GASK1A: variants seen among roughly 807,000 people sequenced by gnomAD.
GASK1A encodes the protein golgi associated kinase 1A.
A neutral mutation model predicts 41.2 loss-of-function variants in GASK1A; 40 were observed. The observed-to-expected ratio is 0.97, with a 90% CI of 0.75 to 1.27. The LOEUF (loss-of-function observed/expected upper bound fraction) is 1.27, where lower values mean the gene tolerates loss of function less well. Ranked by LOEUF, GASK1A falls within the 50% of genes most tolerant of loss-of-function variation. The probability of loss-of-function intolerance (pLI) is 0.00; values close to 1 mark genes in which losing one functional copy is unlikely to be tolerated. For synonymous variants in GASK1A, 316 were observed against 307.1 expected (o/e 1.03, Z -0.30); for missense variants, 678 against 745.1 (o/e 0.91, Z 1.05).
At chr3:43,031,742 T>C (rs145925454) in intron 1 of GASK1A, among the ~76,000 whole-genome samples, 1,680 of 152,316 alleles carry the variant, frequency 0.011, 21 homozygotes, top group Non-Finnish European at 0.016. Flanking sequence ...TTGGCTCTCA[T>C]GACATAGTCA....
chr3:42,994,709 T>C (rs976002427), intron 1 of GASK1A, among the ~76,000 whole-genome samples: 2 of 152,132 alleles, frequency 1.3e-5, no homozygotes, highest in Non-Finnish European at 2.9e-5. Context: ...CTGAGACTTG[T>C]CTTGTCTCAG....
Position 42,979,577 on chromosome 3 carries a change from G to A in GASK1A, c.-66G>A. 1 of 1,238,376 alleles carries A rather than the reference G, an allele frequency of 8.1e-7. No homozygotes were observed. Among genetic ancestry groups the A allele is most frequent in the South Asian group, 4.1e-5 (1 of 24,322 alleles). 76.7% of individuals were successfully genotyped at this position (1,238,376 alleles called of 1,614,324 possible). On this transcript the variant is annotated 5_prime_UTR_variant, in exon 1 of 5. Coordinates refer to ENST00000430121, the MANE Select transcript of GASK1A (RefSeq NM_001129908.3). ...GCCACGGCGCCGGGGGCGGCCAAGGGGAGGCGGGATGAGTCTGCGAGCCGG... is the reference window on the plus strand; with the variant it reads ...GCCACGGCGCCGGGGGCGGCCAAGGAGAGGCGGGATGAGTCTGCGAGCCGG...
At chr3:42,997,434 GAGA>G (rs535698238) in intron 1 of GASK1A, among the ~76,000 whole-genome samples, 3,541 of 111,462 alleles carry the variant, frequency 0.032, 69 homozygotes, top group African/African-American at 0.07. Context: ...GAGAGACAGA[GAGA>G]GGGGGGGGGG....
At chr3:43,030,632 G>A (rs889269303) in intron 1 of GASK1A, among the ~76,000 whole-genome samples, 2 of 152,192 alleles carry the variant, frequency 1.3e-5, no homozygotes, top group African/African-American at 2.4e-5. Flanking sequence ...GTCATCTTTG[G>A]CTGGGTGGCA....
chr3:43,038,857 T>G lies in GASK1A; in HGVS notation c.1290+5304T>G, dbSNP rs1384115686. ...CCACGAGGACTAAGTAGGATCTTAC[T>G]GTAAGTTGAAGGGAGTTCGGCCCTG... On this transcript the variant is annotated intron_variant, in intron 2 of 4. Coordinates refer to ENST00000430121, the MANE Select transcript of GASK1A (RefSeq NM_001129908.3). 2.6e-5 allele frequency among the ~76,000 whole-genome samples: 4 copies of G among 152,336 alleles called. No individual in the cohort carries two copies. In the East Asian group the frequency reaches 7.7e-4, roughly 29 times the overall value.
chr3:43,030,680 C>T (rs998818285), intron 1 of GASK1A, among the ~76,000 whole-genome samples: 11 of 152,236 alleles, frequency 7.2e-5, no homozygotes, highest in Non-Finnish European at 1.5e-4. Context: ...CAGGACAAGT[C>T]AGCCTTGCTG....
intron 1 of GASK1A, among the ~76,000 whole-genome samples, chr3:43,008,807 G>C (rs546539138): frequency 1.3e-5 from 2 of 152,154 alleles, no homozygotes; most frequent in African/African-American, 2.4e-5. Context: ...GAGGAGGCAC[G>C]TTGGTATCAG....
chr3:43,011,954 A>C (rs1282136715), intron 1 of GASK1A, among the ~76,000 whole-genome samples: 1 of 151,664 alleles, frequency 6.6e-6, no homozygotes, highest in Non-Finnish European at 1.5e-5. Context: ...GGCAGTGTGA[A>C]GCCAAAGGAA....
intron 1 of GASK1A, among the ~76,000 whole-genome samples, chr3:42,989,211 G>C (rs925297462): frequency 3.3e-5 from 5 of 152,116 alleles, no homozygotes; most frequent in African/African-American, 7.2e-5. Context: ...ACGTCGATAG[G>C]GGGAGAGGGT....
intron 1 of GASK1A, among the ~76,000 whole-genome samples, chr3:43,009,623 TATG>T (rs1321554746): frequency 3.9e-5 from 6 of 152,320 alleles, no homozygotes; most frequent in East Asian, 1.9e-4. Flanking sequence ...CATAAAATGG[TATG>T]ATATTTCCTT....
intron 1 of GASK1A, among the ~76,000 whole-genome samples, chr3:43,026,439 A>G (rs1416528373): frequency 6.6e-6 from 1 of 152,256 alleles, no homozygotes; most frequent in Non-Finnish European, 1.5e-5. Flanking sequence ...ATGTTTCTTA[A>G]CAGATGAGGG....
chr3:43,037,345 A>G (rs1042973954), intron 2 of GASK1A: 25 of 907,454 alleles, frequency 2.8e-5, no homozygotes, highest in Admixed American at 6.8e-5. Context: ...TTGAATAATG[A>G]CTCTAAAATG....
chr3:43,008,673 G>A (rs772786905), intron 1 of GASK1A, among the ~76,000 whole-genome samples: 11 of 152,140 alleles, frequency 7.2e-5, no homozygotes, highest in South Asian at 4.1e-4. Context: ...GAATGCTTTC[G>A]CCCTCACCAG....
At chr3:43,012,755 T>C (rs2089469817) in intron 1 of GASK1A, among the ~76,000 whole-genome samples, 1 of 148,678 alleles carries the variant, frequency 6.7e-6, no homozygotes, top group Admixed American at 6.7e-5. Context: ...ATGAAGGGGC[T>C]ATGTGAAGTC....
intron 1 of GASK1A, among the ~76,000 whole-genome samples, chr3:43,021,448 C>T (rs1345457508): frequency 6.6e-6 from 1 of 152,102 alleles, no homozygotes; most frequent in Non-Finnish European, 1.5e-5. Flanking sequence ...CTGTCTCTAC[C>T]TTCTGTTATG....
chr3:43,012,094 A>C (rs1319420780), intron 1 of GASK1A, among the ~76,000 whole-genome samples: 1 of 151,420 alleles, frequency 6.6e-6, no homozygotes, highest in Non-Finnish European at 1.5e-5. Flanking sequence ...GTGAAGCCAC[A>C]GGAAGGGGAA....
chr3:42,998,959 T>C (rs1312238751), intron 1 of GASK1A, among the ~76,000 whole-genome samples: 1 of 149,200 alleles, frequency 6.7e-6, no homozygotes, highest in Non-Finnish European at 1.5e-5. Context: ...ATTTTATCTA[T>C]TGGCTTTTGG....
Position 42,984,312 on chromosome 3 carries a change from CTT to C in GASK1A, c.3+4669_3+4670del, listed in dbSNP as rs397692840. Among the ~76,000 whole-genome samples, 7 of 151,736 alleles carry C rather than the reference CTT, an allele frequency of 4.6e-5. No individual in the cohort carries two copies. Among genetic ancestry groups the C allele is most frequent in the African/African-American group, 9.7e-5 (4 of 41,300 alleles). On this transcript the variant is annotated intron_variant, in intron 1 of 4. Coordinates refer to ENST00000430121, the MANE Select transcript of GASK1A (RefSeq NM_001129908.3). This position sits in a 1 kb window ranked among gnomAD's most constrained non-coding sequence, Gnocchi z 4.2. ...TCACTTCCTATCTCTCTCTCTCTCT[CTT>C]TCTCTCTCTCTCACACACACACACG...
chr3:43,015,608 A>G (rs942339862), intron 1 of GASK1A, among the ~76,000 whole-genome samples: 1 of 149,994 alleles, frequency 6.7e-6, no homozygotes, highest in African/African-American at 2.5e-5. Flanking sequence ...AGGAAGTCAC[A>G]GGAAGCGGGT....
Sources: gnomAD v4.1 joint callset for allele counts (sites outside exome capture counted in the v4.1 genomes callset) on GRCh38, gnomAD v4.1.1 for gene constraint, Gnocchi (gnomAD v3.1) non-coding constraint, MANE v1.5 for transcripts, NCBI Gene and HGNC (gene_info 2026-07-23, HGNC 2026-07-21) for gene names.